Variants in HDAC9 observed in about 807,000 individuals in gnomAD.
HDAC9 encodes the protein histone deacetylase 9.
HDAC9 carries 41 observed loss-of-function variants against 139.4 expected under a neutral mutation model. That is an observed-to-expected ratio of 0.29 (90% CI 0.23 to 0.38). HDAC9 has a LOEUF of 0.38. Ranked by LOEUF, HDAC9 falls within the 10% of genes least tolerant of loss-of-function variation. The pLI, the probability that HDAC9 is intolerant of heterozygous loss-of-function variation, is 1.00. For synonymous variants in HDAC9, 517 were observed against 476.2 expected (o/e 1.09, Z -1.12); for missense variants, 1,147 against 1,297.0 (o/e 0.88, Z 1.78).
intron 1 of HDAC9, among the ~76,000 whole-genome samples, chr7:18,451,205 C>G (rs1445779790): frequency 6.6e-6 from 1 of 152,070 alleles, no homozygotes; most frequent in African/African-American, 2.4e-5. Context: ...AAGCATCGTC[C>G]ATGAGGAATG....
chr7:18,442,606 A>G (rs1791892764), intron 1 of HDAC9, among the ~76,000 whole-genome samples: 1 of 152,226 alleles, frequency 6.6e-6, no homozygotes, highest in South Asian at 2.1e-4. Flanking sequence ...ACTGTACTAC[A>G]GTTGTCCTCA....
intron 2 of HDAC9, among the ~76,000 whole-genome samples, chr7:18,541,899 C>T (rs1406373430): frequency 1.3e-5 from 2 of 152,114 alleles, no homozygotes; most frequent in South Asian, 2.1e-4. Context: ...TGGCCTAGAC[C>T]GCTTTTTTAA....
At chr7:18,165,680 C>T (rs1787960398) in intron 2 of HDAC9, among the ~76,000 whole-genome samples, 1 of 151,648 alleles carries the variant, frequency 6.6e-6, no homozygotes, top group South Asian at 2.1e-4. Context: ...GTCCCTGCTA[C>T]TTAGGAAGCT....
At chr7:18,765,195 T>C (rs1675225690) in intron 15 of HDAC9, among the ~76,000 whole-genome samples, 1 of 152,216 alleles carries the variant, frequency 6.6e-6, no homozygotes, top group African/African-American at 2.4e-5. Flanking sequence ...ATCAATTATA[T>C]GCCTGTTTTG....
At chr7:18,446,928 A>G (rs889164018) in intron 1 of HDAC9, among the ~76,000 whole-genome samples, 3 of 152,178 alleles carry the variant, frequency 2.0e-5, no homozygotes, top group African/African-American at 7.2e-5. Context: ...ATTTTTCACT[A>G]CTATGAAAAA....
At chr7:18,606,612 G>A (rs918832080) in intron 6 of HDAC9, among the ~76,000 whole-genome samples, 1 of 151,944 alleles carries the variant, frequency 6.6e-6, no homozygotes, top group Admixed American at 6.6e-5. Flanking sequence ...CATTTAGCAA[G>A]GTATGAAAAT....
chr7:18,420,619 T>C (rs971530222), intron 1 of HDAC9, among the ~76,000 whole-genome samples: 1 of 152,166 alleles, frequency 6.6e-6, no homozygotes, highest in Non-Finnish European at 1.5e-5. Context: ...ACTGACTCCA[T>C]AAATTTTTAT....
intron 2 of HDAC9, among the ~76,000 whole-genome samples, chr7:18,231,256 T>A (rs1793441576): frequency 6.6e-6 from 1 of 152,222 alleles, no homozygotes; most frequent in South Asian, 2.1e-4. Context: ...AGAATTAAAT[T>A]GGATTGCCCT....
At chr7:18,947,764 T>C (rs1014017138) in intron 23 of HDAC9, among the ~76,000 whole-genome samples, 1 of 151,968 alleles carries the variant, frequency 6.6e-6, no homozygotes, top group Non-Finnish European at 1.5e-5. Flanking sequence ...TTGAGGCCTA[T>C]GTGATACCAA....
intron 11 of HDAC9, among the ~76,000 whole-genome samples, chr7:18,658,432 G>A (rs2129054728): frequency 6.6e-6 from 1 of 152,130 alleles, no homozygotes; most frequent in East Asian, 1.9e-4. Context: ...TTTAATTGCA[G>A]GCATTGTTTT....
rs147566043 is a variant in HDAC9, at chr7:18,600,873, G to T, written c.664+6844G>T. Among the ~76,000 whole-genome samples the T allele has an allele frequency of 1.1e-3, 161 of 152,244 alleles. 1 individual carries two copies. The highest frequency in any genetic ancestry group is 3.8e-3 in the African/African-American group (156 of 41,526). On this transcript the variant is annotated intron_variant, in intron 6 of 25. Transcript: ENST00000686413. ...AGGGTCTCACTCTGTCTCCCAGGCT[G>T]CAGTGCAGTGGTGCAATCTCCTGGG...
chr7:18,546,159 A>T (rs1390545689), intron 2 of HDAC9, among the ~76,000 whole-genome samples: 1 of 152,202 alleles, frequency 6.6e-6, no homozygotes, highest in African/African-American at 2.4e-5. Context: ...TAATGATTGC[A>T]TAGATGTTGG....
chr7:18,327,548 T>A (rs748028129), intron 1 of HDAC9: 18 of 151,842 alleles, frequency 1.2e-4, no homozygotes, highest in Non-Finnish European at 2.1e-4. Context: ...TGTGCGACAC[T>A]TCATCTTGGG....
intron 1 of HDAC9, among the ~76,000 whole-genome samples, chr7:18,154,799 A>T (rs116314648): frequency 6.6e-6 from 1 of 152,204 alleles, no homozygotes; most frequent in Non-Finnish European, 1.5e-5. Context: ...CTTAATTACA[A>T]TGATGGCTAA....
intron 6 of HDAC9, among the ~76,000 whole-genome samples, chr7:18,594,799 G>A (rs1042456193): frequency 2.0e-5 from 3 of 151,862 alleles, no homozygotes; most frequent in East Asian, 3.9e-4. Context: ...AAATCTCAAC[G>A]TTGTTTGCCA....
chr7:18,621,589 G>A (rs1840219404), intron 6 of HDAC9, among the ~76,000 whole-genome samples: 2 of 151,954 alleles, frequency 1.3e-5, no homozygotes, highest in Admixed American at 1.3e-4. Flanking sequence ...CCATACATGT[G>A]CCTAGAAATT....
chr7:18,454,188 T>A (rs1793138490), intron 1 of HDAC9, among the ~76,000 whole-genome samples: 1 of 152,100 alleles, frequency 6.6e-6, no homozygotes, highest in South Asian at 2.1e-4. Context: ...ATCAAAATAC[T>A]GGAGATTTAC....
chr7:18,678,114 A>G (rs190096110), intron 12 of HDAC9, among the ~76,000 whole-genome samples: 56 of 152,008 alleles, frequency 3.7e-4, no homozygotes, highest in African/African-American at 1.3e-3. Context: ...TGAACATATA[A>G]ATGTTAGCAG....
At chr7:18,571,848 T>C (rs1824395464) in intron 2 of HDAC9, among the ~76,000 whole-genome samples, 1 of 152,158 alleles carries the variant, frequency 6.6e-6, no homozygotes, top group Non-Finnish European at 1.5e-5. Flanking sequence ...TTCCCGCATA[T>C]TTTCATGTAT....
Sources: allele counts gnomAD v4.1 joint callset (sites outside exome capture counted in the v4.1 genomes callset), GRCh38; gene constraint gnomAD v4.1.1; transcripts MANE v1.5; gene names NCBI Gene and HGNC (gene_info 2026-07-23, HGNC 2026-07-21).